The following LRP1B variants were observed in gnomAD, a reference collection of about 807,000 sequenced individuals.
The protein encoded by LRP1B is LDL receptor related protein 1B.
LRP1B carries 217 observed loss-of-function variants against 556.6 expected under a neutral mutation model. That is an observed-to-expected ratio of 0.39 (90% CI 0.35 to 0.44). The LOEUF (loss-of-function observed/expected upper bound fraction) is 0.44, where lower values mean the gene tolerates loss of function less well. Among genes scored for constraint, LRP1B ranks in the 20% least tolerant of loss-of-function variants. LRP1B has a pLI of 1.00. For synonymous variants in LRP1B, 2,047 were observed against 1,865.8 expected (o/e 1.10, Z -2.50); for missense variants, 5,053 against 5,620.8 (o/e 0.90, Z 3.23).
intron 2 of LRP1B, among the ~76,000 whole-genome samples, chr2:141,528,115 C>T (rs1263968405): frequency 1.3e-5 from 2 of 151,642 alleles, no homozygotes; most frequent in Admixed American, 6.6e-5. Flanking sequence ...GATGTCTCCA[C>T]GCTCCCTCTT....
chr2:140,569,445 C>T (rs961040933), intron 43 of LRP1B, among the ~76,000 whole-genome samples: 1 of 151,586 alleles, frequency 6.6e-6, no homozygotes, highest in Admixed American at 6.6e-5. Context: ...AACTTTTAGT[C>T]AAAAAGTGTG....
chr2:140,633,335 G>C (rs1413005664), intron 41 of LRP1B, among the ~76,000 whole-genome samples: 1 of 152,054 alleles, frequency 6.6e-6, no homozygotes, highest in African/African-American at 2.4e-5. Context: ...TTGTCTCTTA[G>C]AGGAAAATTT....
intron 2 of LRP1B, among the ~76,000 whole-genome samples, chr2:141,633,136 A>G (rs1307953404): frequency 6.6e-6 from 1 of 152,098 alleles, no homozygotes; most frequent in Non-Finnish European, 1.5e-5. Context: ...CCTGAGAATA[A>G]GATGATAATT....
intron 41 of LRP1B, among the ~76,000 whole-genome samples, chr2:140,677,418 G>A (rs1278659287): frequency 6.6e-6 from 1 of 152,062 alleles, no homozygotes; most frequent in Non-Finnish European, 1.5e-5. Context: ...GGAGAAATGA[G>A]AATTTTTGTA....
chr2:140,237,849 T>C lies in LRP1B; in HGVS notation c.13560+303A>G, dbSNP rs774005705. On this transcript the variant is annotated intron_variant, in intron 89 of 90. Coordinates refer to ENST00000389484, the MANE Select transcript of LRP1B (RefSeq NM_018557.3). Reference sequence around the variant, plus strand: ...AAACAATTTTTAAATGAGTTTTTCGTTTGCTTTATGTAAACAAAATTAGAT... The same window carrying C: ...AAACAATTTTTAAATGAGTTTTTCGCTTGCTTTATGTAAACAAAATTAGAT... 2.9e-4 allele frequency among the ~76,000 whole-genome samples: 43 copies of C among 150,788 alleles called. 1 individual carries two copies. Among genetic ancestry groups the C allele is most frequent in the Non-Finnish European group, 5.4e-4 (36 of 67,194 alleles).
chr2:140,604,145 G>T, intron 41 of LRP1B, among the ~76,000 whole-genome samples: 1 of 151,596 alleles, frequency 6.6e-6, no homozygotes, highest in East Asian at 1.9e-4. Flanking sequence ...CTAAATTCTT[G>T]GAACTCAAGG....
chr2:140,796,209 C>A (rs185540680), intron 32 of LRP1B, among the ~76,000 whole-genome samples: 233 of 152,042 alleles, frequency 1.5e-3, no homozygotes, highest in African/African-American at 4.4e-3. Context: ...AAAGAAGAAA[C>A]AATCACTATT....
At chr2:141,222,111 C>G (rs535239967) in intron 6 of LRP1B, among the ~76,000 whole-genome samples, 1 of 150,860 alleles carries the variant, frequency 6.6e-6, no homozygotes, top group Non-Finnish European at 1.5e-5. Flanking sequence ...CATGAAAAAC[C>G]CTTGGGGGCA....
At chr2:140,583,169 T>A in intron 43 of LRP1B, among the ~76,000 whole-genome samples, 1 of 69,488 alleles carries the variant, frequency 1.4e-5, no homozygotes, top group African/African-American at 5.5e-5. Context: ...CTCCTTTTTT[T>A]TCTTTTTTTT....
chr2:141,259,438 G>A (rs1052467947), intron 3 of LRP1B, among the ~76,000 whole-genome samples: 21 of 152,144 alleles, frequency 1.4e-4, no homozygotes, highest in African/African-American at 5.1e-4. Context: ...CCGTATTTTT[G>A]TCTTCTAGCC....
intron 2 of LRP1B, among the ~76,000 whole-genome samples, chr2:141,655,928 A>G (rs1689990547): frequency 2.0e-5 from 3 of 152,126 alleles, no homozygotes; most frequent in Admixed American, 6.6e-5. Context: ...TTAAAAAAAC[A>G]TTTTTTGATG....
At chr2:140,337,061 A>T (rs1451361609) in intron 77 of LRP1B, among the ~76,000 whole-genome samples, 1 of 151,854 alleles carries the variant, frequency 6.6e-6, no homozygotes, top group African/African-American at 2.4e-5. Context: ...CAATATTATC[A>T]ATCAGTGGAC....
At chr2:141,124,151 A>C (rs1701137656) in intron 7 of LRP1B, among the ~76,000 whole-genome samples, 1 of 152,126 alleles carries the variant, frequency 6.6e-6, no homozygotes, top group Non-Finnish European at 1.5e-5. Context: ...TATGAAACAA[A>C]AGCATAAAAG....
chr2:141,661,191 C>G (rs551183400), intron 2 of LRP1B, among the ~76,000 whole-genome samples: 5 of 152,118 alleles, frequency 3.3e-5, no homozygotes, highest in Non-Finnish European at 5.9e-5. Flanking sequence ...CCTCAAAGAT[C>G]GAAGCTAGAT....
chr2:141,951,790 A>T (rs1485483896), intron 1 of LRP1B, among the ~76,000 whole-genome samples: 1 of 152,108 alleles, frequency 6.6e-6, no homozygotes, highest in Non-Finnish European at 1.5e-5. Context: ...AAACTTAAAA[A>T]CTAGATGAGC....
At chr2:140,510,813 AC>A (rs1291252892) in intron 51 of LRP1B, among the ~76,000 whole-genome samples, 2 of 152,100 alleles carry the variant, frequency 1.3e-5, no homozygotes, top group African/African-American at 4.8e-5. Context: ...GTTGACTTGG[AC>A]TTTTAAGTAC....
intron 2 of LRP1B, among the ~76,000 whole-genome samples, chr2:141,499,843 G>A (rs1323753651): frequency 6.6e-6 from 1 of 151,942 alleles, no homozygotes; most frequent in Non-Finnish European, 1.5e-5. Context: ...ATGCAAATTT[G>A]TATATCAAAT....
intron 41 of LRP1B, among the ~76,000 whole-genome samples, chr2:140,680,193 CAG>C (rs1685813409): frequency 1.3e-5 from 2 of 152,130 alleles, no homozygotes; most frequent in South Asian, 2.1e-4. Context: ...AAAGATTAGA[CAG>C]AGATTAAATG....
rs373465828 is a variant in LRP1B, at chr2:141,618,825, G to A, written c.206-138292C>T. Among the ~76,000 whole-genome samples, 48 of 152,322 alleles carry A rather than the reference G, an allele frequency of 3.2e-4. No individual in the cohort carries two copies. The East Asian group carries it at 5.2e-3, about 17-fold the overall frequency. On this transcript the variant is annotated intron_variant, in intron 2 of 90. Coordinates refer to ENST00000389484, the MANE Select transcript of LRP1B (RefSeq NM_018557.3). The stretch of plus-strand genomic sequence containing the variant: ...ACCTCATGTGATAGGATTAAAGTGG[G>A]TAACTGAATTAAGGGAGTCCATCTG...
Sources: allele counts gnomAD v4.1 joint callset (sites outside exome capture counted in the v4.1 genomes callset), GRCh38; gene constraint gnomAD v4.1.1; transcripts MANE v1.5; gene names NCBI Gene and HGNC (gene_info 2026-07-23, HGNC 2026-07-21).